The following SEMA5B variants were observed in gnomAD, a reference collection of about 807,000 sequenced individuals.
The protein encoded by SEMA5B is semaphorin-5B.
SEMA5B carries 66 observed loss-of-function variants against 135.0 expected under a neutral mutation model. The observed-to-expected ratio is 0.49, with a 90% CI of 0.40 to 0.60. The LOEUF is 0.60. Among genes scored for constraint, SEMA5B ranks in the 20% least tolerant of loss-of-function variants. The pLI, the probability that SEMA5B is intolerant of heterozygous loss-of-function variation, is 0.00. For synonymous variants in SEMA5B, 690 were observed against 639.5 expected (o/e 1.08, Z -1.19); for missense variants, 1,501 against 1,566.3 (o/e 0.96, Z 0.70).
chr3:123,017,542 A>G (rs771793640), intron 1 of SEMA5B, among the ~76,000 whole-genome samples: 12 of 152,212 alleles, frequency 7.9e-5, no homozygotes. Flanking sequence ...AGCAACAGAA[A>G]GAATGACCTA....
At chr3:122,961,431 T>A in intron 1 of SEMA5B, 130 bp from the exon 2 acceptor site, 4 of 846,520 alleles carry the variant, frequency 4.7e-6, no homozygotes, top group Non-Finnish European at 7.1e-6. Flanking sequence ...GGTGCTGCTT[T>A]AACAAATCAC....
chr3:123,007,628 G>A (rs1276929696), intron 1 of SEMA5B, among the ~76,000 whole-genome samples: 1 of 152,122 alleles, frequency 6.6e-6, no homozygotes, highest in Non-Finnish European at 1.5e-5. Flanking sequence ...TCCAGAAGAG[G>A]AAAAGACTTA....
intron 1 of SEMA5B, among the ~76,000 whole-genome samples, chr3:122,993,986 G>C (rs1302066521): frequency 6.6e-6 from 1 of 151,732 alleles, no homozygotes; most frequent in Non-Finnish European, 1.5e-5. Context: ...TTCTCCATAA[G>C]CCTCAGAAGC....
chr3:123,007,114 G>A (rs78257003), intron 1 of SEMA5B, among the ~76,000 whole-genome samples: 9,656 of 152,190 alleles, frequency 0.063, 382 homozygotes, highest in East Asian at 0.16. Flanking sequence ...TTGCAAGCCA[G>A]CGTACCCTTG....
intron 9 of SEMA5B, among the ~76,000 whole-genome samples, 164 bp from the exon 10 acceptor site, chr3:122,923,916 A>G (rs1363424202): frequency 6.6e-6 from 1 of 152,108 alleles, no homozygotes; most frequent in African/African-American, 2.4e-5. Context: ...TGGTCCTCAC[A>G]TTCTGTAAAC....
chr3:122,952,822 A>G (rs1312317637), intron 2 of SEMA5B, among the ~76,000 whole-genome samples: 1 of 152,172 alleles, frequency 6.6e-6, no homozygotes, highest in Non-Finnish European at 1.5e-5. Flanking sequence ...AGAAGGCAGC[A>G]GAGTGAGCAC....
chr3:122,994,099 C>T (rs1241306873), intron 1 of SEMA5B, among the ~76,000 whole-genome samples: 1 of 152,048 alleles, frequency 6.6e-6, no homozygotes. Flanking sequence ...GTGCCATCAG[C>T]CCGGCACCAC....
chr3:122,966,559 T>C (rs1940836425), intron 1 of SEMA5B, among the ~76,000 whole-genome samples: 1 of 149,344 alleles, frequency 6.7e-6, no homozygotes, highest in Non-Finnish European at 1.5e-5. Context: ...TTATTATTAT[T>C]ATTATTATTT....
At chr3:122,953,522 C>T (rs561122660) in intron 2 of SEMA5B, among the ~76,000 whole-genome samples, 70 of 152,252 alleles carry the variant, frequency 4.6e-4, no homozygotes, top group African/African-American at 1.5e-3. Flanking sequence ...GGCCCCAGCA[C>T]AGCACGTCTG....
chr3:122,938,367 T>C (rs1173997466), intron 5 of SEMA5B, among the ~76,000 whole-genome samples: 1 of 152,166 alleles, frequency 6.6e-6, no homozygotes, highest in Non-Finnish European at 1.5e-5. Context: ...CTTGCCCTAG[T>C]TCCTCCCAAC....
Position 122,911,554 on chromosome 3 carries a change from A to T in SEMA5B, c.3047-19T>A, listed in dbSNP as rs752901420. The T allele has an allele frequency of 1.9e-6, 3 of 1,607,182 alleles. No homozygotes were observed. The highest frequency in any genetic ancestry group is 2.7e-5 in the African/African-American group (2 of 74,858). ...AGGATGACTGCAGGAAGACCAGTGG[A>T]CAGGGTGTCAGGGGCGGAGACGAGA... On this transcript the variant is annotated intron_variant, in intron 20 of 22. Coordinates refer to ENST00000357599, the MANE Select transcript of SEMA5B (RefSeq NM_001031702.4).
At chr3:122,983,155 CCAGT>C (rs1344245073) in intron 1 of SEMA5B, among the ~76,000 whole-genome samples, 3 of 152,152 alleles carry the variant, frequency 2.0e-5, no homozygotes, top group Non-Finnish European at 2.9e-5. Context: ...GGGCATGTGG[CCAGT>C]CAATTTTGAG....
intron 2 of SEMA5B, among the ~76,000 whole-genome samples, chr3:122,954,785 TG>T (rs1452979132): frequency 1.4e-5 from 2 of 143,826 alleles, no homozygotes; most frequent in Non-Finnish European, 3.0e-5. Flanking sequence ...CCCTGTGGGG[TG>T]GTCATCTTTT....
chr3:122,970,543 C>T (rs1281667744), intron 1 of SEMA5B, among the ~76,000 whole-genome samples: 2 of 152,218 alleles, frequency 1.3e-5, no homozygotes, highest in African/African-American at 4.8e-5. Context: ...TTCCCACCTC[C>T]TTACCTTTTA....
At chr3:122,956,448 G>A (rs910396185) in intron 2 of SEMA5B, among the ~76,000 whole-genome samples, 2 of 152,220 alleles carry the variant, frequency 1.3e-5, no homozygotes, top group African/African-American at 4.8e-5. Flanking sequence ...AACAGGGGGA[G>A]TGAGTGAAAT....
intron 16 of SEMA5B, 31 bp from the exon 17 acceptor site, chr3:122,913,455 C>A (rs767872275): frequency 1.9e-5 from 29 of 1,559,910 alleles, no homozygotes; most frequent in Non-Finnish European, 2.2e-5. Context: ...AGCTTTAGAA[C>A]CCCACGGCCT....
At chr3:123,001,756 C>G (rs1182255242) in intron 1 of SEMA5B, among the ~76,000 whole-genome samples, 1 of 152,134 alleles carries the variant, frequency 6.6e-6, no homozygotes, top group African/African-American at 2.4e-5. Context: ...TACTTAGTGG[C>G]AGGAGAAGCG....
chr3:122,981,895 G>A (rs1410780757), intron 1 of SEMA5B, among the ~76,000 whole-genome samples: 1 of 152,240 alleles, frequency 6.6e-6, no homozygotes, highest in African/African-American at 2.4e-5. Context: ...CTCTGAGTCG[G>A]AAGTCTGGGT....
At chr3:122,935,686 C>CTTTCTTTTTTTTTTTTTT (rs1939233868) in intron 5 of SEMA5B, among the ~76,000 whole-genome samples, 18 of 70,262 alleles carry the variant, frequency 2.6e-4, no homozygotes, top group Non-Finnish European at 3.5e-4. Flanking sequence ...TTCTTTCTTT[C>CTTTCTTTTTTTTTTTTTT]TTTTTTTTTT....
Sources: allele counts gnomAD v4.1 joint callset (sites outside exome capture counted in the v4.1 genomes callset), GRCh38; gene constraint gnomAD v4.1.1; transcripts MANE v1.5; gene names NCBI Gene and HGNC (gene_info 2026-07-23, HGNC 2026-07-21).